The following NUP37 variants were observed in gnomAD, a reference collection of about 807,000 sequenced individuals.
NUP37 encodes the protein nucleoporin Nup37.
In NUP37, 33 loss-of-function variants were observed where a neutral mutation model predicts 45.4. That is an observed-to-expected ratio of 0.73 (90% confidence interval 0.55 to 0.97). The LOEUF (loss-of-function observed/expected upper bound fraction) is 0.97, where lower values mean the gene tolerates loss of function less well. Among genes scored for constraint, NUP37 ranks in the 50% least tolerant of loss-of-function variants. The pLI is 0.00. For missense variants in NUP37, 365 were observed against 389.7 expected (o/e 0.94, Z 0.53); for synonymous variants, 127 against 130.7 (o/e 0.97, Z 0.19).
At chr12:102,116,827 C>G (rs556206560) in intron 2 of NUP37, among the ~76,000 whole-genome samples, 4 of 151,872 alleles carry the variant, frequency 2.6e-5, no homozygotes, top group African/African-American at 9.7e-5. Flanking sequence ...TGGTGAAACC[C>G]CGTCTCTACT....
intron 6 of NUP37, among the ~76,000 whole-genome samples, chr12:102,085,353 C>T (rs986772095): frequency 1.3e-4 from 20 of 151,930 alleles, no homozygotes; most frequent in African/African-American, 4.1e-4. Context: ...GCCTGGGAGG[C>T]GGAGGCTGCA....
rs558050889 is a variant in NUP37 at position 102,108,809 on chromosome 12, C to T, written c.281+3299G>A. 1.1e-4 allele frequency among the ~76,000 whole-genome samples: 17 copies of T among 152,248 alleles called. 1 individual carries two copies. The South Asian group carries it at 1.4e-3, about 13-fold the overall frequency. ...TATCACTCATGTTGAGGGTCTCCTA[C>T]GGATTTCCTCAGTTATAGCATAATG... On this transcript the variant is annotated intron_variant, in intron 3 of 9. Transcript: ENST00000552283.
chr12:102,113,618 G>A (rs1565837579), intron 2 of NUP37, among the ~76,000 whole-genome samples: 1 of 152,162 alleles, frequency 6.6e-6, no homozygotes, highest in East Asian at 1.9e-4. Flanking sequence ...TGAGACTAAA[G>A]AAGGCCAAAT....
At chr12:102,075,225 G>A in intron 8 of NUP37, 131 bp from the exon 9 acceptor site, 1 of 515,866 alleles carries the variant, frequency 1.9e-6, no homozygotes, top group East Asian at 3.2e-5. Flanking sequence ...ACCCAGGCTG[G>A]AGTGCAGAAG....
At chr12:102,108,075 G>C (rs958729273) in intron 3 of NUP37, among the ~76,000 whole-genome samples, 1 of 152,176 alleles carries the variant, frequency 6.6e-6, no homozygotes, top group Non-Finnish European at 1.5e-5. Flanking sequence ...TGGATTGAAG[G>C]ATACAAAGTA....
intron 2 of NUP37, among the ~76,000 whole-genome samples, chr12:102,114,497 G>T (rs1377761499): frequency 6.6e-6 from 1 of 152,158 alleles, no homozygotes; most frequent in East Asian, 1.9e-4. Flanking sequence ...TTAGTTTGGG[G>T]TATAAGCAGA....
rs1880539160 is a variant in NUP37 at position 102,118,365 on chromosome 12, GA to G, written c.153del (p.Gln52ArgfsTer27). 1.2e-6 allele frequency: 2 copies of G among 1,612,068 alleles called. No homozygotes were observed. The highest frequency in any genetic ancestry group is 1.7e-6 in the Non-Finnish European group (2 of 1,179,172). On this transcript the variant is annotated frameshift_variant, in exon 2 of 10. Coordinates refer to ENST00000552283, the MANE Select transcript of NUP37 (RefSeq NM_024057.4). LOFTEE classifies it high-confidence loss of function. ...TCGGTGCAGTTTTGTAGACTAACCT[GA>G]AACGTACACGTGCCAATGACCACAT... ...NNYVVIGTCT[F>X]QEEEADVEGI... is the part of the protein sequence containing the mutation.
At chr12:102,112,371 A>T in intron 2 of NUP37, 139 bp from the exon 3 acceptor site, 1 of 601,732 alleles carries the variant, frequency 1.7e-6, no homozygotes, top group East Asian at 3.2e-5. Flanking sequence ...TTAAGATTTA[A>T]CTAGTTCATT....
At chr12:102,115,875 A>G (rs1318031366) in intron 2 of NUP37, 1 of 822,956 alleles carries the variant, frequency 1.2e-6, no homozygotes, top group Non-Finnish European at 1.5e-6. Context: ...CTAGGACAAC[A>G]GAATAGTAAT....
chr12:102,105,771 A>G (rs540951277), intron 3 of NUP37, among the ~76,000 whole-genome samples: 105 of 150,836 alleles, frequency 7.0e-4, no homozygotes, highest in African/African-American at 2.5e-3. Context: ...TGAGGCAGGG[A>G]GAATCACTTG....
chr12:102,102,326 A>G (rs997143484), intron 3 of NUP37, among the ~76,000 whole-genome samples: 6 of 152,208 alleles, frequency 3.9e-5, no homozygotes, highest in African/African-American at 1.4e-4. Context: ...AAACAGATCA[A>G]AGCCACCAGG....
intron 2 of NUP37, among the ~76,000 whole-genome samples, chr12:102,112,689 G>C (rs1359028518): frequency 6.6e-6 from 1 of 151,918 alleles, no homozygotes; most frequent in Admixed American, 6.6e-5. Context: ...AGATATTCTA[G>C]GTAAATGAAT....
At chr12:102,089,322 T>TG (rs1254292678) in intron 5 of NUP37, among the ~76,000 whole-genome samples, 1 of 104,492 alleles carries the variant, frequency 9.6e-6, no homozygotes, top group Non-Finnish European at 2.0e-5. Context: ...CCAGACGGGG[T>TG]GGCGGCCGGG....
At position 102,074,415 on chromosome 12, in the gene NUP37, G is replaced by A; in HGVS notation, c.920C>T (p.Thr307Ile). Residue 307 changes from threonine (T) to isoleucine (I), a missense_variant, in exon 10 of 10, where the codon ACT becomes ATT. Thr to Ile is a moderately conservative substitution (Grantham distance 89). Transcript: ENST00000552283. The part of the protein sequence containing the change: ...AVGSGLSWHR[T>I]LPLCVIGGDH... ...TCCTCCAATTACACACAGAGGGAGAGTTCGATGCCAGGACAGTCCAGATCC... is the reference window on the plus strand; with the variant it reads ...TCCTCCAATTACACACAGAGGGAGAATTCGATGCCAGGACAGTCCAGATCC... 1 of 1,613,288 alleles carries A rather than the reference G, an allele frequency of 6.2e-7. No homozygotes were observed. Among genetic ancestry groups the A allele is most frequent in the Non-Finnish European group, 8.5e-7 (1 of 1,179,522 alleles).
rs1880299427 is a variant in NUP37 at position 102,111,000 on chromosome 12, A to G, written c.281+1108T>C. On this transcript the variant is annotated intron_variant, in intron 3 of 9. Transcript: ENST00000552283. ...AGCAATTCTACTCCTAAATTAAATC[A>G]TATAACCACCCAAAGCAGTATTCAG... Among the ~76,000 whole-genome samples the G allele has an allele frequency of 2.6e-5, 4 of 152,242 alleles. No individual in the cohort carries two copies. In the South Asian group the frequency reaches 8.3e-4, roughly 31 times the overall value.
intron 2 of NUP37, among the ~76,000 whole-genome samples, chr12:102,112,498 A>G (rs140663520): frequency 0.013 from 2,010 of 152,304 alleles, 24 homozygotes; most frequent in Non-Finnish European, 0.022. Context: ...AATAAGTTCA[A>G]TGAAAATGGA....
At chr12:102,113,626 A>T (rs1439087058) in intron 2 of NUP37, among the ~76,000 whole-genome samples, 3 of 152,184 alleles carry the variant, frequency 2.0e-5, no homozygotes, top group Non-Finnish European at 2.9e-5. Flanking sequence ...AAGAAGGCCA[A>T]ATTTTCGCGA....
At chr12:102,104,428 T>C (rs939413292) in intron 3 of NUP37, among the ~76,000 whole-genome samples, 7 of 152,230 alleles carry the variant, frequency 4.6e-5, no homozygotes, top group Admixed American at 4.6e-4. Flanking sequence ...GGTTGCCTTT[T>C]GACTCTGTTG....
At position 102,100,430 on chromosome 12, in the gene NUP37, C is replaced by T. The variant is rs143764675; in HGVS notation, c.354+602G>A. 6.1e-3 allele frequency among the ~76,000 whole-genome samples: 934 copies of T among 152,260 alleles called. 11 individuals are homozygous for T. Among genetic ancestry groups the T allele is most frequent in the African/African-American group, 0.02 (846 of 41,554 alleles). On this transcript the variant is annotated intron_variant, in intron 4 of 9. Transcript: ENST00000552283. The stretch of plus-strand genomic sequence containing the variant: ...ATTATAGTAATAGAAAACACACATA[C>T]GGCGTTTACTATGTATCAACATTAT...
Sources: allele counts gnomAD v4.1 joint callset (sites outside exome capture counted in the v4.1 genomes callset), GRCh38; gene constraint gnomAD v4.1.1; transcripts MANE v1.5; gene names NCBI Gene and HGNC (gene_info 2026-07-23, HGNC 2026-07-21).